The following FLT3 variants were observed in gnomAD, a reference collection of about 807,000 sequenced individuals.
The protein encoded by FLT3 is receptor-type tyrosine-protein kinase FLT3.
A neutral mutation model predicts 126.6 loss-of-function variants in FLT3; 46 were observed. The ratio of observed to expected loss-of-function variants is 0.36; its 90% CI spans 0.29 to 0.46. The LOEUF (loss-of-function observed/expected upper bound fraction) is 0.46, where lower values mean the gene tolerates loss of function less well. Among genes scored for constraint, FLT3 ranks in the 20% least tolerant of loss-of-function variants. The pLI is 1.00. For missense variants in FLT3, 1,069 were observed against 1,190.3 expected (o/e 0.90, Z 1.50); for synonymous variants, 404 against 434.4 (o/e 0.93, Z 0.87).
In FLT3 at chr13:28,010,312, C is replaced by G. The variant is rs1301713944; in HGVS notation, c.2859+4140G>C. Among the ~76,000 whole-genome samples, 9 of 152,266 alleles carry G rather than the reference C, an allele frequency of 5.9e-5. No homozygotes were observed. In the East Asian group the frequency reaches 1.3e-3, roughly 23 times the overall value. On this transcript the variant is annotated intron_variant, in intron 23 of 23. Transcript: ENST00000241453. ...GAACAGGAAACAGTATTTACCCTTG[C>G]TAATGAAGTCTAGTGACGACAGAGA...
chr13:28,049,459 C>A lies in FLT3; in HGVS notation c.961G>T (p.Ala321Ser). The change falls in exon 8 of 24, where the codon GCA becomes TCA. Residue 321 changes from alanine to serine, a missense_variant. Ala to Ser is a moderately conservative substitution (Grantham distance 99, BLOSUM62 1). Coordinates refer to ENST00000241453, the MANE Select transcript of FLT3 (RefSeq NM_004119.3). The part of the protein sequence containing the change: ...RILFAFVSSV[A>S]RNDTGYYTCS... ...GTGTAGTATCCGGTGTCGTTTCTTGCCACTGATGATACAAAAGCAAACAGA... is the reference window on the plus strand; with the variant it reads ...GTGTAGTATCCGGTGTCGTTTCTTGACACTGATGATACAAAAGCAAACAGA... 1 of 1,613,854 alleles carries A rather than the reference C, an allele frequency of 6.2e-7. No individual in the cohort carries two copies. The highest frequency in any genetic ancestry group is 8.5e-7 in the Non-Finnish European group (1 of 1,179,828).
At chr13:28,092,144 A>G (rs1879153819) in intron 1 of FLT3, among the ~76,000 whole-genome samples, 1 of 152,138 alleles carries the variant, frequency 6.6e-6, no homozygotes, top group African/African-American at 2.4e-5. Context: ...GTCTTTAACT[A>G]TATATCTGGG....
At chr13:28,081,950 G>A (rs561093213) in intron 1 of FLT3, among the ~76,000 whole-genome samples, 127 of 144,406 alleles carry the variant, frequency 8.8e-4, no homozygotes, top group African/African-American at 3.2e-3. Context: ...TCCATCTCCC[G>A]GGTTCAAGCA....
chr13:28,063,688 T>TATA (rs2137772331), intron 2 of FLT3, among the ~76,000 whole-genome samples: 1 of 10,854 alleles, frequency 9.2e-5, no homozygotes, highest in South Asian at 4.2e-3. Context: ...GTCTTATTTG[T>TATA]TCACTTACTA....
At chr13:28,050,064 A>G in intron 6 of FLT3, 31 bp downstream of exon 6, 1 of 1,608,122 alleles carries the variant, frequency 6.2e-7, no homozygotes, top group Non-Finnish European at 8.5e-7. Flanking sequence ...CCGGTCACTG[A>G]AAATGAAAGT....
intron 19 of FLT3, among the ~76,000 whole-genome samples, chr13:28,022,052 T>C (rs1872442169): frequency 6.6e-6 from 1 of 152,024 alleles, no homozygotes; most frequent in Admixed American, 6.5e-5. Flanking sequence ...TTTTTTATTT[T>C]TTAGAGAAAG....
intron 10 of FLT3, 107 bp downstream of exon 10, chr13:28,037,078 G>A: frequency 3.0e-6 from 2 of 677,342 alleles, no homozygotes; most frequent in South Asian, 3.5e-5. Flanking sequence ...TACAAAAACA[G>A]TTTTGTAGTA....
In FLT3 at chr13:28,100,337, G is replaced by A; in HGVS notation, c.43+131C>T. 7.3e-6 allele frequency: 4 copies of A among 548,272 alleles called. No individual in the cohort carries two copies. Among genetic ancestry groups the A allele is most frequent in the Non-Finnish European group, 1.1e-5 (4 of 372,878 alleles). The allele number at this position is 548,272 out of a possible 1,614,324, so 34.0% of individuals were successfully genotyped here. A position where few individuals can be genotyped will look rare whatever the true frequency, so the allele number is the denominator to read the frequency against. On this transcript the variant is annotated intron_variant, in intron 1 of 23. Coordinates refer to ENST00000241453, the MANE Select transcript of FLT3 (RefSeq NM_004119.3). The surrounding 1 kb of genome is among the most constrained non-coding windows in gnomAD (Gnocchi z 4.8). ...GGCGCGAAAGAGGGGAGGGGCGCGG[G>A]AGGCAATGGAAGGAGCGAGCGCGGG...
intron 9 of FLT3, among the ~76,000 whole-genome samples, chr13:28,039,402 C>T (rs771508014): frequency 3.3e-5 from 5 of 151,868 alleles, no homozygotes; most frequent in Non-Finnish European, 4.4e-5. Context: ...GGGGTTTCAC[C>T]ATGTTGGCCA....
chr13:28,077,332 G>A (rs1312874227), intron 1 of FLT3, among the ~76,000 whole-genome samples: 1 of 152,098 alleles, frequency 6.6e-6, no homozygotes, highest in Non-Finnish European at 1.5e-5. Flanking sequence ...GCTCCACATG[G>A]CTGGGGAGGT....
chr13:28,056,073 A>G (rs1875972940), intron 4 of FLT3, among the ~76,000 whole-genome samples: 1 of 151,788 alleles, frequency 6.6e-6, no homozygotes, highest in Non-Finnish European at 1.5e-5. Flanking sequence ...TTAGAACCTT[A>G]CTCCACCCCC....
chr13:28,021,501 G>C (rs545129705), intron 19 of FLT3, among the ~76,000 whole-genome samples: 1 of 152,166 alleles, frequency 6.6e-6, no homozygotes, highest in Non-Finnish European at 1.5e-5. Context: ...CAGCAGGTGG[G>C]GAAAATGAAG....
chr13:28,009,001 G>A (rs566655137), intron 23 of FLT3, among the ~76,000 whole-genome samples: 1 of 151,924 alleles, frequency 6.6e-6, no homozygotes, highest in South Asian at 2.1e-4. Context: ...TTTAGAGATG[G>A]GATCTCTCTC....
In FLT3 at chr13:28,049,452, T is replaced by C. The variant is rs1875223495; in HGVS notation, c.968A>G (p.Asn323Ser). Reference sequence around the variant, plus strand: ...GGAACAAGTGTAGTATCCGGTGTCGTTTCTTGCCACTGATGATACAAAAGC... The same window carrying C: ...GGAACAAGTGTAGTATCCGGTGTCGCTTCTTGCCACTGATGATACAAAAGC... Reference protein sequence around the residue: ...LFAFVSSVARNDTGYYTCSSS... With the variant: ...LFAFVSSVARSDTGYYTCSSS... The change falls in exon 8 of 24, where the codon AAC becomes AGC. Residue 323 changes from asparagine (N) to serine (S), a missense_variant. By Grantham distance (46) the Asn-to-Ser change is conservative (BLOSUM62 1). Coordinates refer to ENST00000241453, the MANE Select transcript of FLT3 (RefSeq NM_004119.3). 6 of 1,613,896 alleles carry C rather than the reference T, an allele frequency of 3.7e-6. No homozygotes were observed. Among genetic ancestry groups the C allele is most frequent in the Non-Finnish European group, 5.1e-6 (6 of 1,179,916 alleles).
chr13:28,042,824 T>C (rs1480124736), intron 9 of FLT3, among the ~76,000 whole-genome samples: 2 of 149,094 alleles, frequency 1.3e-5, no homozygotes, highest in East Asian at 4.1e-4. Flanking sequence ...AACTTTTCCC[T>C]CATTTTCCCT....
chr13:28,076,455 C>G (rs1877935431), intron 1 of FLT3, among the ~76,000 whole-genome samples: 1 of 152,120 alleles, frequency 6.6e-6, no homozygotes, highest in Non-Finnish European at 1.5e-5. Context: ...AGTAACGTGT[C>G]CCAGTCCAAG....
chr13:28,048,524 T>C, intron 8 of FLT3, 81 bp from the exon 9 acceptor site: 1 of 985,890 alleles, frequency 1.0e-6, no homozygotes. Context: ...TAAACTTGTA[T>C]TCATCAGTTT....
chr13:28,013,718 T>C (rs1871589977), intron 23 of FLT3, among the ~76,000 whole-genome samples: 1 of 151,982 alleles, frequency 6.6e-6, no homozygotes, highest in South Asian at 2.1e-4. Context: ...GGAGACAGAG[T>C]GGTACAGCTG....
At chr13:28,032,472 TGGTG>T (rs1202339762) in intron 15 of FLT3, among the ~76,000 whole-genome samples, 1 of 152,102 alleles carries the variant, frequency 6.6e-6, no homozygotes, top group East Asian at 1.9e-4. Context: ...TAGCCAGGCA[TGGTG>T]GCGCATGCCT....
Sources: allele counts gnomAD v4.1 joint callset (sites outside exome capture counted in the v4.1 genomes callset), GRCh38; gene constraint gnomAD v4.1.1; non-coding constraint Gnocchi (gnomAD v3.1); transcripts MANE v1.5; gene names NCBI Gene and HGNC (gene_info 2026-07-23, HGNC 2026-07-21).